The following CCBE1 variants were observed in gnomAD, a reference collection of about 807,000 sequenced individuals.
The protein encoded by CCBE1 is collagen and calcium-binding EGF domain-containing protein 1.
A neutral mutation model predicts 50.0 loss-of-function variants in CCBE1; 37 were observed. The observed-to-expected ratio is 0.74, with a 90% confidence interval of 0.57 to 0.97. The LOEUF is 0.97. Ranked by LOEUF, CCBE1 falls within the 50% of genes least tolerant of loss-of-function variation. The pLI is 0.00. For missense variants in CCBE1, 538 were observed against 523.8 expected, an observed-to-expected ratio of 1.03 and a Z score of -0.26; for synonymous variants, 234 against 203.7, an observed-to-expected ratio of 1.15 and a Z score of -1.27.
At chr18:59,616,227 T>G (rs761456316) in intron 2 of CCBE1, among the ~76,000 whole-genome samples, 4 of 151,648 alleles carry the variant, frequency 2.6e-5, no homozygotes, top group Non-Finnish European at 1.5e-5. Flanking sequence ...GGGAGAGAGA[T>G]CAAGAGATGA....
At chr18:59,447,412 G>A (rs1041057134) in intron 7 of CCBE1, among the ~76,000 whole-genome samples, 1 of 152,172 alleles carries the variant, frequency 6.6e-6, no homozygotes, top group Non-Finnish European at 1.5e-5. Context: ...GGAGTTACAT[G>A]GGTAAATACA....
chr18:59,557,867 T>C (rs1348635131), intron 2 of CCBE1, among the ~76,000 whole-genome samples: 1 of 152,250 alleles, frequency 6.6e-6, no homozygotes, highest in Non-Finnish European at 1.5e-5. Context: ...ACCAAGAACC[T>C]GGACCACTCT....
chr18:59,693,643 G>C (rs993943049), intron 2 of CCBE1, among the ~76,000 whole-genome samples: 7 of 152,082 alleles, frequency 4.6e-5, no homozygotes, highest in Non-Finnish European at 1.0e-4. Flanking sequence ...CAGTTTCAAA[G>C]TCCTGGATAT....
intron 3 of CCBE1, 92 bp downstream of exon 3, chr18:59,480,094 T>C: frequency 1.1e-6 from 1 of 883,666 alleles, no homozygotes; most frequent in South Asian, 1.5e-5. Flanking sequence ...CAGACACAGA[T>C]AAGACCTATA....
intron 2 of CCBE1, among the ~76,000 whole-genome samples, chr18:59,616,980 G>T (rs145755876): frequency 8.5e-5 from 13 of 152,232 alleles, no homozygotes; most frequent in African/African-American, 2.6e-4. Flanking sequence ...ATGAGCCACC[G>T]ACTCTCAGCC....
chr18:59,528,211 T>G (rs142834917), intron 2 of CCBE1, among the ~76,000 whole-genome samples: 80 of 152,316 alleles, frequency 5.3e-4, no homozygotes, highest in Non-Finnish European at 1.0e-3. Flanking sequence ...TGTCTACCTG[T>G]CTTACTTCAA....
chr18:59,519,811 C>T (rs1223777061), intron 2 of CCBE1, among the ~76,000 whole-genome samples: 1 of 152,188 alleles, frequency 6.6e-6, no homozygotes, highest in Non-Finnish European at 1.5e-5. Flanking sequence ...TTAGGTCTTA[C>T]ATTTAAGTCT....
chr18:59,488,491 T>C (rs901444630), intron 2 of CCBE1, among the ~76,000 whole-genome samples: 1 of 152,154 alleles, frequency 6.6e-6, no homozygotes, highest in African/African-American at 2.4e-5. Flanking sequence ...AAGGTATATG[T>C]GGGAGAGTTA....
At chr18:59,527,239 A>AC (rs1398472417) in intron 2 of CCBE1, among the ~76,000 whole-genome samples, 1 of 152,102 alleles carries the variant, frequency 6.6e-6, no homozygotes, top group Non-Finnish European at 1.5e-5. Context: ...TGAACCCTTT[A>AC]CCATTATGTA....
At chr18:59,511,091 T>C (rs980661065) in intron 2 of CCBE1, among the ~76,000 whole-genome samples, 19 of 152,218 alleles carry the variant, frequency 1.2e-4, no homozygotes, top group Admixed American at 6.5e-5. Flanking sequence ...CAGAGTCCTG[T>C]GTCTTCAGGA....
chr18:59,508,879 C>A (rs761274507), intron 2 of CCBE1, among the ~76,000 whole-genome samples: 1 of 151,898 alleles, frequency 6.6e-6, no homozygotes, highest in Non-Finnish European at 1.5e-5. Flanking sequence ...ACCACATACA[C>A]GGCTCTTAAT....
chr18:59,552,043 G>A (rs1278102640), intron 2 of CCBE1, among the ~76,000 whole-genome samples: 1 of 152,162 alleles, frequency 6.6e-6, no homozygotes, highest in Non-Finnish European at 1.5e-5. Context: ...GGGGATGGAG[G>A]GTATAAGATG....
chr18:59,591,627 T>C (rs1195428056), intron 2 of CCBE1, among the ~76,000 whole-genome samples: 1 of 152,184 alleles, frequency 6.6e-6, no homozygotes, highest in African/African-American at 2.4e-5. Context: ...ATAAGAAGAC[T>C]GGCAAAAATG....
intron 2 of CCBE1, among the ~76,000 whole-genome samples, chr18:59,557,531 T>G (rs938904164): frequency 7.2e-5 from 11 of 152,182 alleles, no homozygotes; most frequent in Admixed American, 3.3e-4. Context: ...TCCACTGTGT[T>G]GCAGATGAGA....
chr18:59,594,596 A>C (rs374880315), intron 2 of CCBE1, among the ~76,000 whole-genome samples: 3 of 152,224 alleles, frequency 2.0e-5, no homozygotes, highest in African/African-American at 7.2e-5. Context: ...TGGGCAAAAC[A>C]AAATTGTTTC....
chr18:59,612,302 A>T (rs1232194562), intron 2 of CCBE1, among the ~76,000 whole-genome samples: 6 of 149,246 alleles, frequency 4.0e-5, no homozygotes, highest in Non-Finnish European at 8.9e-5. Context: ...ATAAAAAAAA[A>T]AAAGAAAAAA....
intron 2 of CCBE1, among the ~76,000 whole-genome samples, chr18:59,644,852 C>A (rs1354877170): frequency 1.3e-5 from 2 of 152,162 alleles, no homozygotes; most frequent in African/African-American, 2.4e-5. Context: ...AATTGAATCT[C>A]AAATAAAAGA....
chr18:59,590,173 A>T (rs538751599), intron 2 of CCBE1, among the ~76,000 whole-genome samples: 25 of 152,316 alleles, frequency 1.6e-4, no homozygotes, highest in African/African-American at 5.1e-4. Flanking sequence ...TATTTAGCCA[A>T]ATCAATTAGA....
intron 2 of CCBE1, among the ~76,000 whole-genome samples, chr18:59,611,494 T>C (rs901378892): frequency 2.1e-4 from 32 of 152,210 alleles, no homozygotes; most frequent in African/African-American, 2.4e-5. Context: ...CCTGTAACCA[T>C]AGCACTTTGG....
Sources: allele counts gnomAD v4.1 joint callset (sites outside exome capture counted in the v4.1 genomes callset), GRCh38; gene constraint gnomAD v4.1.1; transcripts MANE v1.5; gene names NCBI Gene and HGNC (gene_info 2026-07-23, HGNC 2026-07-21).